The following GABPB2 variants were observed in gnomAD, a reference collection of about 807,000 sequenced individuals.
GABPB2 encodes GA-binding protein subunit beta-2.
GABPB2 carries 23 observed loss-of-function variants against 39.1 expected under a neutral mutation model. That is an observed-to-expected ratio of 0.59 (90% CI 0.42 to 0.83). The LOEUF (loss-of-function observed/expected upper bound fraction) is 0.83, where lower values mean the gene tolerates loss of function less well. Ranked by LOEUF, GABPB2 falls within the 40% of genes least tolerant of loss-of-function variation. The pLI is 0.00. For missense variants in GABPB2, 467 were observed against 541.1 expected, an observed-to-expected ratio of 0.86 and a Z score of 1.36; for synonymous variants, 184 against 199.3, an observed-to-expected ratio of 0.92 and a Z score of 0.65.
At chr1:151,117,557 ATTATTAAGG>A in intron 8 of GABPB2, 41 bp downstream of exon 8, 1 of 1,602,016 alleles carries the variant, frequency 6.2e-7, no homozygotes, top group Admixed American at 1.7e-5. Context: ...TAAAGCCTTA[ATTATTAAGG>A]CCTGAACCCT....
chr1:151,106,118 C>T (rs1336625701), intron 6 of GABPB2, among the ~76,000 whole-genome samples: 10 of 151,796 alleles, frequency 6.6e-5, no homozygotes, highest in Middle Eastern at 3.4e-3. Flanking sequence ...CCCACCAACA[C>T]GCCCAGCTAA....
At chr1:151,079,775 AAT>A (rs1677497708) in intron 1 of GABPB2, among the ~76,000 whole-genome samples, 1 of 151,938 alleles carries the variant, frequency 6.6e-6, no homozygotes, top group Non-Finnish European at 1.5e-5. Context: ...ACATGCCTGT[AAT>A]ACCAGCTACT....
intron 5 of GABPB2, among the ~76,000 whole-genome samples, chr1:151,099,748 C>T (rs941946192): frequency 2.0e-5 from 3 of 152,152 alleles, no homozygotes; most frequent in Non-Finnish European, 4.4e-5. Context: ...CAGAATTGTG[C>T]TCAAATAATT....
chr1:151,105,415 T>C (rs1321260075), intron 6 of GABPB2, among the ~76,000 whole-genome samples: 1 of 148,616 alleles, frequency 6.7e-6, no homozygotes, highest in Non-Finnish European at 1.5e-5. Flanking sequence ...GTATATCAAA[T>C]ATATATACAA....
chr1:151,120,072 C>G lies in GABPB2; in HGVS notation c.*1816C>G, dbSNP rs1681127271. The G allele has an allele frequency of 6.6e-6, 1 of 152,194 alleles. No homozygotes were observed. The highest frequency in any genetic ancestry group is 1.5e-5 in the Non-Finnish European group (1 of 68,150). The allele number at this position is 152,194 out of a possible 1,614,324, so 9.4% of individuals were successfully genotyped here. A position where few individuals can be genotyped will look rare whatever the true frequency, so the allele number is the denominator to read the frequency against. On this transcript the variant is annotated 3_prime_UTR_variant, in exon 9 of 9. Coordinates refer to ENST00000368918, the MANE Select transcript of GABPB2 (RefSeq NM_144618.3). The stretch of plus-strand genomic sequence containing the variant: ...CTAAAAATACAAAATTAGGGCCAGA[C>G]CCGGCAGCTCATGCCTGTAATCCCA...
At chr1:151,116,343 C>A (rs1405645571) in intron 7 of GABPB2, among the ~76,000 whole-genome samples, 1 of 149,004 alleles carries the variant, frequency 6.7e-6, no homozygotes, top group African/African-American at 2.5e-5. Context: ...TTAGCCATTG[C>A]ACTCCAGAGA....
intron 5 of GABPB2, among the ~76,000 whole-genome samples, chr1:151,098,517 A>G (rs1477845106): frequency 6.6e-6 from 1 of 151,586 alleles, no homozygotes; most frequent in Admixed American, 6.6e-5. Flanking sequence ...AAAAAAAAAA[A>G]GGAAAATATT....
At chr1:151,117,625 C>T (rs1680977475) in intron 8 of GABPB2, 109 bp downstream of exon 8, 1 of 1,237,458 alleles carries the variant, frequency 8.1e-7, no homozygotes, top group East Asian at 2.5e-5. Context: ...GCTGTGTTGC[C>T]CAGGCTGGAG....
chr1:151,084,664 A>G (rs1678023395), intron 1 of GABPB2, among the ~76,000 whole-genome samples: 1 of 149,072 alleles, frequency 6.7e-6, no homozygotes, highest in East Asian at 2.0e-4. Context: ...CCTCCCGAGT[A>G]GCTGGGATTA....
intron 5 of GABPB2, among the ~76,000 whole-genome samples, chr1:151,102,252 C>T (rs1679584375): frequency 6.6e-6 from 1 of 152,048 alleles, no homozygotes; most frequent in East Asian, 1.9e-4. Context: ...ATCCGGGAGG[C>T]GGAGGTTGCA....
intron 7 of GABPB2, among the ~76,000 whole-genome samples, chr1:151,110,101 A>T (rs1680303554): frequency 7.7e-6 from 1 of 129,118 alleles, no homozygotes; most frequent in African/African-American, 2.9e-5. Flanking sequence ...AACTCAAGTG[A>T]TCTGCCTGCC....
rs1354169757 is a variant in GABPB2 at position 151,100,753 on chromosome 1, A to G, written c.622+2751A>G. 2.7e-5 allele frequency among the ~76,000 whole-genome samples: 4 copies of G among 147,188 alleles called. No homozygotes were observed. In the Admixed American group the frequency reaches 2.7e-4, roughly 10 times the overall value. Reference sequence around the variant, plus strand: ...CTGGTGCCTGCCACCACGCCCAGCTAATTTTTGTATTTTTAGAAGAGACGG... The same window carrying G: ...CTGGTGCCTGCCACCACGCCCAGCTGATTTTTGTATTTTTAGAAGAGACGG... On this transcript the variant is annotated intron_variant, in intron 5 of 8. Transcript: ENST00000368918.
intron 4 of GABPB2, among the ~76,000 whole-genome samples, chr1:151,093,622 T>A (rs74125091): frequency 0.021 from 3,165 of 149,376 alleles, 99 homozygotes; most frequent in African/African-American, 0.072. Flanking sequence ...ATATATTTTT[T>A]AATATATATA....
Position 151,125,494 on chromosome 1 carries a change from G to A in GABPB2, c.*7238G>A, listed in dbSNP as rs1460876992. On this transcript the variant is annotated 3_prime_UTR_variant, in exon 9 of 9. Transcript: ENST00000368918. ...GATCTATATTATATATACAGTTTTT[G>A]TACTATCATTTAAAATAAAAATGTT... 6.6e-6 allele frequency: 1 copy of A among 151,602 alleles called. No homozygotes were observed. Among genetic ancestry groups the A allele is most frequent in the Non-Finnish European group, 1.5e-5 (1 of 67,920 alleles). The allele number at this position is 151,602 out of a possible 1,614,324, so 9.4% of individuals were successfully genotyped here.
intron 5 of GABPB2, among the ~76,000 whole-genome samples, chr1:151,102,182 G>A (rs868516518): frequency 2.0e-4 from 31 of 152,126 alleles, no homozygotes; most frequent in Middle Eastern, 6.8e-3. Flanking sequence ...TTAGCTGGGC[G>A]TGGTGGTGCA....
chr1:151,122,463 T>TA lies in GABPB2; in HGVS notation c.*4208dup, dbSNP rs1263804292. 1 of 151,564 alleles carries TA rather than the reference T, an allele frequency of 6.6e-6. No individual in the cohort carries two copies. Among genetic ancestry groups the TA allele is most frequent in the Non-Finnish European group, 1.5e-5 (1 of 67,580 alleles). The allele number at this position is 151,564 out of a possible 1,614,324, so 9.4% of individuals were successfully genotyped here. A position where few individuals can be genotyped will look rare whatever the true frequency, so the allele number is the denominator to read the frequency against. On this transcript the variant is annotated 3_prime_UTR_variant, in exon 9 of 9. Transcript: ENST00000368918. ...TGTTATGTGTGGGATTTCGGAGCCT[T>TA]ACTTTAACGATAGAGGAACCAAGTA...
intron 1 of GABPB2, among the ~76,000 whole-genome samples, chr1:151,073,765 C>T (rs111507685): frequency 6.6e-6 from 1 of 151,462 alleles, no homozygotes; most frequent in Admixed American, 6.6e-5. Flanking sequence ...AATAAAAATA[C>T]AAAAATTAGC....
Position 151,107,094 on chromosome 1 carries a change from T to C in GABPB2, c.794T>C (p.Met265Thr). The change falls in exon 7 of 9, where the codon ATG becomes ACG. Residue 265 changes from methionine to threonine, a missense_variant. Coordinates refer to ENST00000368918, the MANE Select transcript of GABPB2 (RefSeq NM_144618.3). ...NSVDSSIQQV[M>T]GSGGQRVITI... ...GTTGACTCATCAATCCAGCAAGTAA[T>C]GGGGAGTGGAGGCCAGAGGGTCATC... is the stretch of plus-strand genomic sequence containing the variant. 1 of 1,613,438 alleles carries C rather than the reference T, an allele frequency of 6.2e-7. No homozygotes were observed. The highest frequency in any genetic ancestry group is 8.5e-7 in the Non-Finnish European group (1 of 1,179,718).
At chr1:151,117,665 C>A (rs1212846367) in intron 8 of GABPB2, 149 bp downstream of exon 8, 3 of 843,854 alleles carry the variant, frequency 3.6e-6, no homozygotes, top group Non-Finnish European at 5.4e-6. Flanking sequence ...CTCACTGCAA[C>A]CTCCGCCTCC....
Sources: gnomAD v4.1 joint callset for allele counts (sites outside exome capture counted in the v4.1 genomes callset) on GRCh38, gnomAD v4.1.1 for gene constraint, MANE v1.5 for transcripts, NCBI Gene and HGNC (gene_info 2026-07-23, HGNC 2026-07-21) for gene names.